Variants in ZNF609 observed in about 807,000 individuals in gnomAD.
ZNF609 encodes zinc finger protein 609.
In ZNF609, 11 loss-of-function variants were observed where a neutral mutation model predicts 109.5. The observed-to-expected ratio is 0.10, with a 90% CI of 0.06 to 0.17. The LOEUF (loss-of-function observed/expected upper bound fraction) is 0.17. Among genes scored for constraint, ZNF609 ranks in the 10% least tolerant of loss-of-function variants. The pLI, the probability that ZNF609 is intolerant of heterozygous loss-of-function variation, is 1.00. For missense variants in ZNF609, 1,559 were observed against 1,772.4 expected (o/e 0.88, Z 2.16); for synonymous variants, 646 against 662.0 (o/e 0.98, Z 0.37).
chr15:64,628,620 A>G (rs1226863827), intron 3 of ZNF609, among the ~76,000 whole-genome samples: 1 of 152,100 alleles, frequency 6.6e-6, no homozygotes, highest in Non-Finnish European at 1.5e-5. Context: ...TGTCTGTAGA[A>G]CAGGAGGAGC....
At chr15:64,524,288 G>C (rs530448811) in intron 2 of ZNF609, among the ~76,000 whole-genome samples, 114 of 152,308 alleles carry the variant, frequency 7.5e-4, no homozygotes, top group African/African-American at 2.6e-3. Flanking sequence ...GCCTTTGGCC[G>C]GGCGCAGTGG....
chr15:64,513,835 T>A (rs1444395358), intron 2 of ZNF609, among the ~76,000 whole-genome samples: 2 of 152,158 alleles, frequency 1.3e-5, no homozygotes, highest in Admixed American at 1.3e-4. Context: ...CTTACACCTG[T>A]AATCCCAGCA....
chr15:64,467,518 T>C (rs905511822), intron 1 of ZNF609, among the ~76,000 whole-genome samples: 7 of 152,340 alleles, frequency 4.6e-5, no homozygotes, highest in Middle Eastern at 3.4e-3. Flanking sequence ...AGGACATAAA[T>C]TCTAGCAGGT....
intron 1 of ZNF609, among the ~76,000 whole-genome samples, chr15:64,485,800 A>C (rs1893324089): frequency 6.6e-6 from 1 of 152,166 alleles, no homozygotes; most frequent in African/African-American, 2.4e-5. Flanking sequence ...CTGTCTCAAA[A>C]AATAGTAATA....
At chr15:64,673,111 T>C (rs1290328372) in intron 4 of ZNF609, among the ~76,000 whole-genome samples, 2 of 152,146 alleles carry the variant, frequency 1.3e-5, no homozygotes, top group African/African-American at 4.8e-5. Flanking sequence ...AGGAGCTGAG[T>C]GAGTAGGTTG....
At chr15:64,467,414 C>T (rs564917725) in intron 1 of ZNF609, among the ~76,000 whole-genome samples, 1 of 152,232 alleles carries the variant, frequency 6.6e-6, no homozygotes, top group South Asian at 2.1e-4. Context: ...CCTTTTGTAC[C>T]ATCAGTTATC....
intron 3 of ZNF609, among the ~76,000 whole-genome samples, chr15:64,630,498 T>G (rs1896054037): frequency 6.6e-6 from 1 of 152,202 alleles, no homozygotes; most frequent in African/African-American, 2.4e-5. Flanking sequence ...TTTCACAGTT[T>G]ACTTAAAATT....
rs546220328 is a variant in ZNF609 at position 64,575,963 on chromosome 15, G to A, written c.748-46864G>A. 3.9e-5 allele frequency among the ~76,000 whole-genome samples: 6 copies of A among 152,068 alleles called. No individual in the cohort carries two copies. In the East Asian group the frequency reaches 5.8e-4, roughly 15 times the overall value. On this transcript the variant is annotated intron_variant, in intron 2 of 9. Transcript: ENST00000326648. ...TAAAAATACAAAAAATTAGTCAGGC[G>A]CGGTGGCGGGCACCTGTAGTCCCAG...
chr15:64,561,905 A>G (rs1463302426), intron 2 of ZNF609, among the ~76,000 whole-genome samples: 1 of 152,138 alleles, frequency 6.6e-6, no homozygotes, highest in East Asian at 1.9e-4. Context: ...GGCTTAGTAC[A>G]TGATGTTTTG....
At chr15:64,464,477 C>T (rs925213714) in intron 1 of ZNF609, among the ~76,000 whole-genome samples, 5 of 152,200 alleles carry the variant, frequency 3.3e-5, no homozygotes, top group Non-Finnish European at 5.9e-5. Context: ...GATGGGAATA[C>T]TGCCAGGCAG....
rs139548428 is a variant in ZNF609 at position 64,507,437 on chromosome 15, T to C, written c.747+7271T>C. 4.5e-3 allele frequency among the ~76,000 whole-genome samples: 679 copies of C among 152,310 alleles called. 3 individuals carry two copies. Among genetic ancestry groups the C allele is most frequent in the Non-Finnish European group, 7.1e-3 (480 of 68,012 alleles). ...AGCCCTCTCTCTGTGGTTTTCACTCTTCAAGCCATGCTTGAGTAACCCGCC... is the reference window on the plus strand; with the variant it reads ...AGCCCTCTCTCTGTGGTTTTCACTCCTCAAGCCATGCTTGAGTAACCCGCC... On this transcript the variant is annotated intron_variant, in intron 2 of 9. Transcript: ENST00000326648.
intron 3 of ZNF609, among the ~76,000 whole-genome samples, chr15:64,667,008 T>C (rs1000167797): frequency 1.3e-5 from 2 of 152,118 alleles, no homozygotes; most frequent in Non-Finnish European, 2.9e-5. Context: ...TGTGCGCCTC[T>C]AGTCCCAGCT....
intron 2 of ZNF609, among the ~76,000 whole-genome samples, chr15:64,551,327 C>A (rs1894467819): frequency 6.6e-6 from 1 of 152,134 alleles, no homozygotes; most frequent in Non-Finnish European, 1.5e-5. Context: ...GGTACTTATA[C>A]CTTAATTCAA....
At chr15:64,472,365 T>C (rs758297439) in intron 1 of ZNF609, among the ~76,000 whole-genome samples, 52 of 152,364 alleles carry the variant, frequency 3.4e-4, no homozygotes, top group African/African-American at 7.2e-4. Context: ...TGCATGCTGG[T>C]ACCACATTTC....
At chr15:64,512,635 A>G (rs1177880898) in intron 2 of ZNF609, among the ~76,000 whole-genome samples, 3 of 152,222 alleles carry the variant, frequency 2.0e-5, no homozygotes, top group Non-Finnish European at 4.4e-5. Flanking sequence ...AGCACCTTAT[A>G]TCATAGTTCT....
At chr15:64,587,300 C>T (rs1282847124) in intron 2 of ZNF609, among the ~76,000 whole-genome samples, 7 of 152,156 alleles carry the variant, frequency 4.6e-5, no homozygotes, top group Non-Finnish European at 8.8e-5. Context: ...TTTCCATCTT[C>T]CTTTATATAA....
chr15:64,573,346 CTTTT>C lies in ZNF609; in HGVS notation c.748-49458_748-49455del, dbSNP rs71133442. On this transcript the variant is annotated intron_variant, in intron 2 of 9. Transcript: ENST00000326648. ...GCAGTAGAGTTAGTGGCCCAACTTT[CTTTT>C]TTTTTTTTTTTTTTTTTTTTTTGAG... Among the ~76,000 whole-genome samples the C allele has an allele frequency of 1.4e-3, 104 of 72,972 alleles. 1 individual carries two copies. The East Asian group carries it at 0.029, about 20-fold the overall frequency. 47.9% of individuals were successfully genotyped at this position (72,972 alleles called of 152,430 possible).
chr15:64,615,712 C>T (rs12595446), intron 2 of ZNF609, among the ~76,000 whole-genome samples: 16,072 of 152,030 alleles, frequency 0.11, 2,124 homozygotes, highest in East Asian at 0.78. Flanking sequence ...GTCTTGAACT[C>T]GTGACATCAG....
chr15:64,650,618 CAG>C (rs2140997110), intron 3 of ZNF609, among the ~76,000 whole-genome samples: 1 of 152,106 alleles, frequency 6.6e-6, no homozygotes, highest in South Asian at 2.1e-4. Context: ...GCAGGGCAGC[CAG>C]TGAATCAGAA....
Sources: allele counts gnomAD v4.1 joint callset (sites outside exome capture counted in the v4.1 genomes callset), GRCh38; gene constraint gnomAD v4.1.1; transcripts MANE v1.5; gene names NCBI Gene and HGNC (gene_info 2026-07-23, HGNC 2026-07-21).